The following STXBP5L variants were observed in gnomAD, a reference collection of about 807,000 sequenced individuals.
STXBP5L encodes syntaxin binding protein 5L.
In STXBP5L, 65 loss-of-function variants were observed where a neutral mutation model predicts 144.5. The observed-to-expected ratio is 0.45, with a 90% CI of 0.37 to 0.55. The LOEUF is 0.55. Among genes scored for constraint, STXBP5L ranks in the 20% least tolerant of loss-of-function variants. The pLI, the probability that STXBP5L is intolerant of heterozygous loss-of-function variation, is 0.00. For missense variants in STXBP5L, 1,298 were observed against 1,405.5 expected, an observed-to-expected ratio of 0.92 and a Z score of 1.22; for synonymous variants, 505 against 469.6, an observed-to-expected ratio of 1.08 and a Z score of -0.97.
intron 18 of STXBP5L, among the ~76,000 whole-genome samples, chr3:121,266,460 T>C (rs1369842119): frequency 6.6e-6 from 1 of 152,178 alleles, no homozygotes; most frequent in Non-Finnish European, 1.5e-5. Context: ...AAACTAGTAA[T>C]TGATGGAACG....
chr3:121,348,649 T>G (rs986675975), intron 20 of STXBP5L, among the ~76,000 whole-genome samples: 4 of 152,096 alleles, frequency 2.6e-5, no homozygotes, highest in Non-Finnish European at 4.4e-5. Flanking sequence ...GTTATTGGTC[T>G]ATTCAGAGAT....
intron 19 of STXBP5L, among the ~76,000 whole-genome samples, chr3:121,298,128 C>T (rs1237468674): frequency 2.0e-5 from 3 of 152,168 alleles, no homozygotes; most frequent in Non-Finnish European, 4.4e-5. Flanking sequence ...TTCTCCACAT[C>T]CTCATCAACA....
intron 5 of STXBP5L, among the ~76,000 whole-genome samples, chr3:121,072,433 C>T (rs1426448636): frequency 6.6e-6 from 1 of 152,216 alleles, no homozygotes; most frequent in Non-Finnish European, 1.5e-5. Context: ...ATAGAAATGT[C>T]GTCCTATAAG....
At chr3:121,241,407 A>T (rs1044690467) in intron 14 of STXBP5L, among the ~76,000 whole-genome samples, 1 of 145,900 alleles carries the variant, frequency 6.9e-6, no homozygotes. Flanking sequence ...ACACACACAC[A>T]CACGCACACA....
chr3:121,356,169 G>A (rs972487733), intron 20 of STXBP5L, among the ~76,000 whole-genome samples: 1 of 152,260 alleles, frequency 6.6e-6, no homozygotes, highest in Non-Finnish European at 1.5e-5. Context: ...TTAGGAGGCA[G>A]CCTGTCTGTT....
intron 10 of STXBP5L, among the ~76,000 whole-genome samples, chr3:121,214,937 A>G (rs992381782): frequency 2.0e-5 from 3 of 152,012 alleles, no homozygotes; most frequent in Non-Finnish European, 2.9e-5. Flanking sequence ...TTCTTCTTGC[A>G]TTGATCCCTT....
chr3:121,127,572 G>A (rs2044767152), intron 7 of STXBP5L, among the ~76,000 whole-genome samples: 1 of 151,298 alleles, frequency 6.6e-6, no homozygotes, highest in Non-Finnish European at 1.5e-5. Context: ...ATAACAACAG[G>A]AGTCATTGGA....
At chr3:121,412,727 C>CAAAAAA (rs35247157) in intron 23 of STXBP5L, among the ~76,000 whole-genome samples, 89 of 69,566 alleles carry the variant, frequency 1.3e-3, no homozygotes, top group Middle Eastern at 9.8e-3. Flanking sequence ...TTTCTCCCTC[C>CAAAAAA]AAAAAAAAAA....
chr3:121,269,968 CT>C (rs2050689221), intron 18 of STXBP5L, among the ~76,000 whole-genome samples: 1 of 152,290 alleles, frequency 6.6e-6, no homozygotes, highest in Admixed American at 6.5e-5. Context: ...AGTTGTGTTA[CT>C]TGCCATTTGA....
At chr3:121,330,267 G>A (rs565048542) in intron 20 of STXBP5L, among the ~76,000 whole-genome samples, 1 of 152,294 alleles carries the variant, frequency 6.6e-6, no homozygotes, top group South Asian at 2.1e-4. Context: ...AAGTATGTGG[G>A]AGCTGGATGG....
intron 22 of STXBP5L, among the ~76,000 whole-genome samples, chr3:121,398,570 G>C (rs971791111): frequency 6.6e-6 from 1 of 152,200 alleles, no homozygotes; most frequent in African/African-American, 2.4e-5. Flanking sequence ...AGGCTCAGCA[G>C]TTTTCTTTTT....
rs554400802 is a variant in STXBP5L at position 120,957,295 on chromosome 3, C to A, written c.287+2258C>A. Among the ~76,000 whole-genome samples, 4 of 151,922 alleles carry A rather than the reference C, an allele frequency of 2.6e-5. No homozygotes were observed. In the East Asian group the frequency reaches 7.7e-4, roughly 29 times the overall value. On this transcript the variant is annotated intron_variant, in intron 3 of 26. Coordinates refer to ENST00000471454, the MANE Select transcript of STXBP5L (RefSeq NM_001308330.2). ...AATTTTCAGCACTTATTGAAATGAT[C>A]GGATAGTTTTTGTTATTGATTATGT...
intron 5 of STXBP5L, among the ~76,000 whole-genome samples, chr3:121,077,168 CAGTT>C (rs1413878871): frequency 4.6e-5 from 7 of 152,172 alleles, no homozygotes; most frequent in Non-Finnish European, 8.8e-5. Context: ...CATCTGGTGT[CAGTT>C]AGGGTGTGAG....
intron 2 of STXBP5L, among the ~76,000 whole-genome samples, chr3:120,945,560 G>T (rs938626256): frequency 8.6e-5 from 13 of 151,748 alleles, no homozygotes; most frequent in African/African-American, 3.1e-4. Flanking sequence ...TGAAAAATAT[G>T]TCCAAATATG....
intron 19 of STXBP5L, among the ~76,000 whole-genome samples, chr3:121,290,485 A>T (rs1196785250): frequency 6.6e-6 from 1 of 152,154 alleles, no homozygotes; most frequent in African/African-American, 2.4e-5. Flanking sequence ...TTCAAAAAAG[A>T]ATTGGTACCA....
chr3:121,305,819 G>A (rs2043319337), intron 19 of STXBP5L, among the ~76,000 whole-genome samples: 1 of 152,022 alleles, frequency 6.6e-6, no homozygotes, highest in African/African-American at 2.4e-5. Context: ...AAAATTATAT[G>A]CCTAAAGATT....
chr3:121,028,906 G>C (rs1946159897), intron 3 of STXBP5L, among the ~76,000 whole-genome samples: 1 of 151,528 alleles, frequency 6.6e-6, no homozygotes, highest in African/African-American at 2.4e-5. Context: ...TGATTAGAAA[G>C]GGAGTTTATT....
chr3:121,247,168 A>G (rs143537983), intron 14 of STXBP5L, among the ~76,000 whole-genome samples: 1 of 152,320 alleles, frequency 6.6e-6, no homozygotes, highest in Non-Finnish European at 1.5e-5. Context: ...CTATATACAT[A>G]TGGTTCTATT....
intron 2 of STXBP5L, among the ~76,000 whole-genome samples, chr3:120,930,480 G>A (rs1045734336): frequency 1.3e-5 from 2 of 152,090 alleles, no homozygotes; most frequent in South Asian, 2.1e-4. Flanking sequence ...TTTGTAAGGC[G>A]CTTTATATTT....
Sources: gnomAD v4.1 joint callset for allele counts (sites outside exome capture counted in the v4.1 genomes callset) on GRCh38, gnomAD v4.1.1 for gene constraint, MANE v1.5 for transcripts, NCBI Gene and HGNC (gene_info 2026-07-23, HGNC 2026-07-21) for gene names.